The following HACL1 variants were observed in gnomAD, a reference collection of about 807,000 sequenced individuals.
HACL1 encodes the protein 2-hydroxyacyl-CoA lyase 1.
In HACL1, 64 loss-of-function variants were observed where a neutral mutation model predicts 74.2. That is an observed-to-expected ratio of 0.86 (90% CI 0.70 to 1.06). The LOEUF (loss-of-function observed/expected upper bound fraction) is 1.06, where lower values mean the gene tolerates loss of function less well. HACL1 is among the 50% of genes least tolerant of loss of function. HACL1 has a pLI of 0.00. For synonymous variants in HACL1, 230 were observed against 238.8 expected (o/e 0.96, Z 0.34); for missense variants, 728 against 719.7 (o/e 1.01, Z -0.13).
intron 9 of HACL1, among the ~76,000 whole-genome samples, chr3:15,578,350 G>T (rs1559553422): frequency 6.6e-6 from 1 of 151,976 alleles, no homozygotes; most frequent in East Asian, 1.9e-4. Context: ...AAATTAAAAA[G>T]AAAAAAGTTA....
intron 8 of HACL1, among the ~76,000 whole-genome samples, chr3:15,582,212 T>C (rs1322390129): frequency 6.6e-6 from 1 of 152,200 alleles, no homozygotes; most frequent in Non-Finnish European, 1.5e-5. Context: ...GGAGTATAAA[T>C]TGGTTGGTAC....
intron 16 of HACL1, 104 bp downstream of exon 16, chr3:15,563,254 G>A: frequency 1.4e-6 from 1 of 725,520 alleles, no homozygotes. Flanking sequence ...GGTTTAGAAA[G>A]ACCTCTGTGG....
rs753271264 is a variant in HACL1, at chr3:15,596,416, A to C, written c.195T>G (p.Tyr65Ter). Reference sequence around the variant, plus strand: ...TCAGATATCCAATCGCGGAGGCAGCATAACAAGCCTACGAGAAAACAACAC... The same window carrying C: ...TCAGATATCCAATCGCGGAGGCAGCCTAACAAGCCTACGAGAAAACAACAC... Reference protein sequence around the residue: ...IGMRNEQAACYAASAIGYLTS... With the variant: ...IGMRNEQAAC Residue 65 changes from tyrosine to a stop codon, truncating the protein, a stop_gained, in exon 3 of 17, where the codon TAT becomes TAG. Coordinates refer to ENST00000321169, the MANE Select transcript of HACL1 (RefSeq NM_012260.4). LOFTEE classifies it high-confidence loss of function. 1 of 1,598,958 alleles carries C rather than the reference A, an allele frequency of 6.3e-7. No individual in the cohort carries two copies. The highest frequency in any genetic ancestry group is 1.7e-4 in the Middle Eastern group (1 of 6,026).
In HACL1 at chr3:15,574,980, G is replaced by C. The variant is rs753491998; in HGVS notation, c.906C>G (p.Ile302Met). Residue 302 changes from isoleucine to methionine, a missense_variant, in exon 10 of 17, where the codon ATC becomes ATG. Ile to Met is a conservative substitution (Grantham distance 10, BLOSUM62 1). Transcript: ENST00000321169. The stretch of plus-strand genomic sequence containing the variant: ...TAAGTTCCTCCTCTCTAAGTACCTG[G>C]ATAAACTTCACATCTGGCTGATATC... ...PPRYQPDVKF[I>M]QVDICAEELG... 3 of 1,451,018 alleles carry C rather than the reference G, an allele frequency of 2.1e-6. No individual in the cohort carries two copies. Among genetic ancestry groups the C allele is most frequent in the African/African-American group, 1.4e-5 (1 of 71,866 alleles). 89.9% of individuals were successfully genotyped at this position (1,451,018 alleles called of 1,614,324 possible). A position where few individuals can be genotyped will look rare whatever the true frequency, so the allele number is the denominator to read the frequency against.
At chr3:15,586,261 C>G (rs1266475330) in intron 6 of HACL1, among the ~76,000 whole-genome samples, 1 of 152,124 alleles carries the variant, frequency 6.6e-6, no homozygotes, top group East Asian at 1.9e-4. Context: ...AAACCTTTCT[C>G]TTTACTTTTG....
chr3:15,572,392 T>C (rs1451335359), intron 11 of HACL1, among the ~76,000 whole-genome samples: 1 of 152,196 alleles, frequency 6.6e-6, no homozygotes, highest in East Asian at 1.9e-4. Flanking sequence ...TTCTGCCAGA[T>C]GCTGGGATGC....
chr3:15,583,998 A>G (rs1443675256), intron 7 of HACL1, among the ~76,000 whole-genome samples: 1 of 152,168 alleles, frequency 6.6e-6, no homozygotes, highest in Non-Finnish European at 1.5e-5. Flanking sequence ...TTTTAGTATC[A>G]TAATATGCAT....
At position 15,573,229 on chromosome 3, in the gene HACL1, G is replaced by A. The variant is rs747701207; in HGVS notation, c.923C>T (p.Ala308Val). The change falls in exon 11 of 17, where the codon GCA (alanine) becomes GTA (valine). Residue 308 changes from alanine to valine, a missense_variant. Ala to Val is a moderately conservative substitution (Grantham distance 64). Transcript: ENST00000321169. ...DVKFIQVDIC[A>V]EELGNNVKPA... ...CTTTACATTATTCCCCAATTCTTCT[G>A]CACAGATATCAACCTAAAAAAGAGA... 6.2e-7 allele frequency: 1 copy of A among 1,602,236 alleles called. No homozygotes were observed. Among genetic ancestry groups the A allele is most frequent in the Non-Finnish European group, 8.6e-7 (1 of 1,169,560 alleles).
At chr3:15,571,640 T>C in intron 12 of HACL1, 28 bp downstream of exon 12, 5 of 913,638 alleles carry the variant, frequency 5.5e-6, no homozygotes, top group South Asian at 1.3e-5. Flanking sequence ...CCTGACCTGT[T>C]ATTGAGCGTC....
chr3:15,593,146 C>T (rs200042202), intron 3 of HACL1, among the ~76,000 whole-genome samples: 10 of 132,062 alleles, frequency 7.6e-5, no homozygotes, highest in East Asian at 4.9e-4. Flanking sequence ...TGTATATATA[C>T]ACACATACAC....
At chr3:15,589,459 T>C (rs1038161486) in intron 5 of HACL1, 81 bp downstream of exon 5, 1 of 840,130 alleles carries the variant, frequency 1.2e-6, no homozygotes, top group Non-Finnish European at 2.0e-6. Flanking sequence ...ATGGCACCAC[T>C]GCACTGCAGC....
Position 15,573,269 on chromosome 3 carries a change from A to C in HACL1, c.910-27T>G, listed in dbSNP as rs945948243. ...TAAAAAAGAGACAAGGCTAAAGAAC[A>C]ACCCATGTTTATTCTGAAAAATATG... On this transcript the variant is annotated intron_variant, in intron 10 of 16. Coordinates refer to ENST00000321169, the MANE Select transcript of HACL1 (RefSeq NM_012260.4). 2.2e-6 allele frequency: 3 copies of C among 1,368,216 alleles called. No homozygotes were observed. The African/African-American group carries it at 4.3e-5, about 19-fold the overall frequency. 84.8% of individuals were successfully genotyped at this position (1,368,216 alleles called of 1,614,324 possible). A position where few individuals can be genotyped will look rare whatever the true frequency, so the allele number is the denominator to read the frequency against.
At chr3:15,570,302 T>C (rs1425748503) in intron 12 of HACL1, among the ~76,000 whole-genome samples, 3 of 148,932 alleles carry the variant, frequency 2.0e-5, no homozygotes, top group Non-Finnish European at 3.0e-5. Flanking sequence ...GCCATTGCAC[T>C]CCAGCCCTCT....
intron 11 of HACL1, among the ~76,000 whole-genome samples, chr3:15,572,751 A>G (rs2063558115): frequency 1.3e-5 from 2 of 152,246 alleles, no homozygotes; most frequent in South Asian, 4.1e-4. Context: ...TTGAAGAGTA[A>G]AAAGCTCTTT....
intron 3 of HACL1, chr3:15,596,006 G>A (rs758047731): frequency 3.1e-5 from 5 of 161,820 alleles, no homozygotes; most frequent in South Asian, 2.0e-4. Flanking sequence ...AAAAGGGGGT[G>A]GTAGTTAGGT....
chr3:15,600,154 C>A (rs774956702), intron 2 of HACL1, among the ~76,000 whole-genome samples: 4 of 149,946 alleles, frequency 2.7e-5, no homozygotes, highest in Non-Finnish European at 5.9e-5. Context: ...AGCATCTACA[C>A]CACGTGAAAG....
At position 15,586,552 on chromosome 3, in the gene HACL1, TA is replaced by T; in HGVS notation, c.431del (p.Ile144LysfsTer12). 6.3e-7 allele frequency: 1 copy of T among 1,598,974 alleles called. No homozygotes were observed. The highest frequency in any genetic ancestry group is 1.1e-5 in the South Asian group (1 of 90,416). Reference protein sequence around the residue: ...YTKFSARPSSIEAIPFVIEKA... With the variant: ...YTKFSARPSSXEAIPFVIEKA... ...TTTCAATAACAAAAGGAATAGCTTCTATGCTGCTTGGGCGGGCAGAGAACTT... is the reference window on the plus strand; with the variant it reads ...TTTCAATAACAAAAGGAATAGCTTCTTGCTGCTTGGGCGGGCAGAGAACTT... On this transcript the variant is annotated frameshift_variant, in exon 6 of 17. Transcript: ENST00000321169. LOFTEE classifies it high-confidence loss of function.
chr3:15,581,767 G>C (rs544920360), intron 8 of HACL1, among the ~76,000 whole-genome samples: 1 of 152,256 alleles, frequency 6.6e-6, no homozygotes, highest in East Asian at 1.9e-4. Flanking sequence ...CTTGTTACCA[G>C]GTCTATCTCC....
At position 15,568,529 on chromosome 3, in the gene HACL1, G is replaced by T; in HGVS notation, c.1153C>A (p.Gln385Lys). Reference protein sequence around the residue: ...MNYYTVFYHVQEQLPRDCFVV... With the variant: ...MNYYTVFYHVKEQLPRDCFVV... ...AAACAGTCTCTAGGTAGTTGTTCTTGAACATGGTAGAATACTGTGTAATAA... is the reference window on the plus strand; with the variant it reads ...AAACAGTCTCTAGGTAGTTGTTCTTTAACATGGTAGAATACTGTGTAATAA... Residue 385 changes from glutamine (Q) to lysine (K), a missense_variant, in exon 13 of 17, where the codon CAA becomes AAA. Physicochemically the swap from Gln to Lys is moderately conservative, Grantham distance 53. Transcript: ENST00000321169. 1.3e-6 allele frequency: 2 copies of T among 1,588,612 alleles called. No individual in the cohort carries two copies. The highest frequency in any genetic ancestry group is 1.1e-5 in the South Asian group (1 of 90,398).
Sources: gnomAD v4.1 joint callset for allele counts (sites outside exome capture counted in the v4.1 genomes callset) on GRCh38, gnomAD v4.1.1 for gene constraint, MANE v1.5 for transcripts, NCBI Gene and HGNC (gene_info 2026-07-23, HGNC 2026-07-21) for gene names.